The following ST6GAL2 variants were observed in gnomAD, a reference collection of about 807,000 sequenced individuals.
ST6GAL2 encodes ST6 beta-galactoside alpha-2,6-sialyltransferase 2.
A neutral mutation model predicts 37.5 loss-of-function variants in ST6GAL2; 24 were observed. The ratio of observed to expected loss-of-function variants is 0.64; its 90% CI spans 0.46 to 0.90. The LOEUF (loss-of-function observed/expected upper bound fraction) is 0.90, where lower values mean the gene tolerates loss of function less well. Among genes scored for constraint, ST6GAL2 ranks in the 40% least tolerant of loss-of-function variants. The pLI is 0.00. For missense variants in ST6GAL2, 715 were observed against 712.7 expected (o/e 1.00, Z -0.04); for synonymous variants, 306 against 295.1 (o/e 1.04, Z -0.38).
At chr2:106,841,994 A>G (rs1676904538) in intron 2 of ST6GAL2, among the ~76,000 whole-genome samples, 1 of 152,198 alleles carries the variant, frequency 6.6e-6, no homozygotes, top group African/African-American at 2.4e-5. Flanking sequence ...CAGTTAAATC[A>G]CTAGACTTTG....
At position 106,843,717 on chromosome 2, in the gene ST6GAL2, A is replaced by G. The variant is rs759550709; in HGVS notation, c.261T>C (p.Gly87=). The G allele has an allele frequency of 5.0e-6, 8 of 1,612,824 alleles. No individual in the cohort carries two copies. The South Asian group carries it at 8.8e-5, about 18-fold the overall frequency. ...RQALPRAHPA[G]SFHAGPGDLQ... is the part of the protein sequence containing the mutation. ...GGTCTCCAGGCCCCGCATGAAAGGA[A>G]CCGGCTGGGTGGGCGCGGGGCAGCG... Residue 87 remains glycine, a synonymous_variant, in exon 2 of 6, where the codon GGT becomes GGC. Coordinates refer to ENST00000409382, the MANE Select transcript of ST6GAL2 (RefSeq NM_001142351.2).
intron 1 of ST6GAL2, among the ~76,000 whole-genome samples, chr2:106,845,919 G>A (rs1033787745): frequency 1.3e-5 from 2 of 152,134 alleles, no homozygotes; most frequent in Non-Finnish European, 2.9e-5. Flanking sequence ...TTCACTCTGG[G>A]GGAAGCCAGA....
Position 106,863,300 on chromosome 2 carries a change from G to A in ST6GAL2, c.-57-19266C>T, listed in dbSNP as rs112727568. Among the ~76,000 whole-genome samples, 511 of 152,234 alleles carry A rather than the reference G, an allele frequency of 3.4e-3. 1 individual carries two copies. Among genetic ancestry groups the A allele is most frequent in the Non-Finnish European group, 5.5e-3 (372 of 68,018 alleles). ...ACCTACAGAAATCTATTCCACTCAC[G>A]ATATGCTCCTTGTCATCCAATGATA... is the stretch of plus-strand genomic sequence containing the variant. On this transcript the variant is annotated intron_variant, in intron 1 of 5. Coordinates refer to ENST00000409382, the MANE Select transcript of ST6GAL2 (RefSeq NM_001142351.2).
intron 2 of ST6GAL2, among the ~76,000 whole-genome samples, chr2:106,842,111 A>ACAG (rs1371769167): frequency 6.6e-6 from 1 of 152,216 alleles, no homozygotes; most frequent in Non-Finnish European, 1.5e-5. Flanking sequence ...CTGCCTCAAG[A>ACAG]CAGCAACACA....
At chr2:106,864,170 C>G (rs967143881) in intron 1 of ST6GAL2, among the ~76,000 whole-genome samples, 9 of 152,224 alleles carry the variant, frequency 5.9e-5, no homozygotes, top group African/African-American at 2.2e-4. Flanking sequence ...AGATGTCTGC[C>G]TGATCACAAT....
At chr2:106,832,232 T>C (rs1202589833) in intron 4 of ST6GAL2, among the ~76,000 whole-genome samples, 1 of 152,230 alleles carries the variant, frequency 6.6e-6, no homozygotes, top group Admixed American at 6.5e-5. Flanking sequence ...TGAAAGGTAA[T>C]GTAGCCCTAT....
chr2:106,829,417 AC>A (rs2104463646), intron 5 of ST6GAL2, among the ~76,000 whole-genome samples: 1 of 152,320 alleles, frequency 6.6e-6, no homozygotes, highest in African/African-American at 2.4e-5. Context: ...TTACTTTGAG[AC>A]CACCATGCAA....
At chr2:106,871,604 ATTATT>A (rs1322449728) in intron 1 of ST6GAL2, among the ~76,000 whole-genome samples, 1 of 152,208 alleles carries the variant, frequency 6.6e-6, no homozygotes, top group Non-Finnish European at 1.5e-5. Context: ...CTATGCTTAA[ATTATT>A]TTATTTTTCA....
intron 1 of ST6GAL2, among the ~76,000 whole-genome samples, chr2:106,859,676 G>A (rs1436300351): frequency 6.6e-6 from 1 of 151,990 alleles, no homozygotes; most frequent in Non-Finnish European, 1.5e-5. Context: ...CTCTGACAAC[G>A]CATTGCCTTC....
chr2:106,860,449 A>G (rs1677751553), intron 1 of ST6GAL2, among the ~76,000 whole-genome samples: 2 of 152,192 alleles, frequency 1.3e-5, no homozygotes, highest in Non-Finnish European at 2.9e-5. Context: ...TGCAGGCAGA[A>G]AAATTTAAGC....
At chr2:106,884,961 A>C (rs1678917076) in intron 1 of ST6GAL2, among the ~76,000 whole-genome samples, 1 of 145,938 alleles carries the variant, frequency 6.9e-6, no homozygotes, top group African/African-American at 2.5e-5. Context: ...ATATATACAT[A>C]TGTGTATGTA....
chr2:106,841,419 A>C (rs1018350365), intron 2 of ST6GAL2, among the ~76,000 whole-genome samples: 2 of 152,204 alleles, frequency 1.3e-5, no homozygotes, highest in African/African-American at 4.8e-5. Flanking sequence ...ACAGGACATG[A>C]TTGTTTTATA....
intron 1 of ST6GAL2, among the ~76,000 whole-genome samples, chr2:106,852,688 G>A (rs1305126131): frequency 6.6e-6 from 1 of 152,178 alleles, no homozygotes; most frequent in East Asian, 1.9e-4. Context: ...GGAGGGGAAG[G>A]GTTCCTCATT....
rs747399637 is a variant in ST6GAL2 at position 106,803,065 on chromosome 2, C to A, written c.*3613G>T. 1 of 152,144 alleles carries A rather than the reference C, an allele frequency of 6.6e-6. No individual in the cohort carries two copies. The highest frequency in any genetic ancestry group is 6.5e-5 in the Admixed American group (1 of 15,276). The allele number at this position is 152,144 out of a possible 1,614,324, so 9.4% of individuals were successfully genotyped here. A position where few individuals can be genotyped will look rare whatever the true frequency, so the allele number is the denominator to read the frequency against. ...ACTGCTCAGAAGAGTCAATCAGCAG[C>A]GTAAGTATGATCTGTCCAGCAGAAT... On this transcript the variant is annotated 3_prime_UTR_variant, in exon 6 of 6. Coordinates refer to ENST00000409382, the MANE Select transcript of ST6GAL2 (RefSeq NM_001142351.2).
At chr2:106,810,782 T>A (rs939492161) in intron 5 of ST6GAL2, among the ~76,000 whole-genome samples, 1 of 152,116 alleles carries the variant, frequency 6.6e-6, no homozygotes, top group Non-Finnish European at 1.5e-5. Flanking sequence ...AAACCCCGTC[T>A]CTACAAAAAT....
intron 5 of ST6GAL2, among the ~76,000 whole-genome samples, chr2:106,809,551 G>C (rs1377310929): frequency 1.3e-5 from 2 of 152,112 alleles, no homozygotes; most frequent in Non-Finnish European, 2.9e-5. Flanking sequence ...CTGTGCAGTT[G>C]GTCCTCCCCA....
intron 5 of ST6GAL2, among the ~76,000 whole-genome samples, chr2:106,809,885 G>T (rs1331469837): frequency 1.3e-5 from 2 of 152,178 alleles, no homozygotes; most frequent in African/African-American, 2.4e-5. Context: ...GAATCTAGTT[G>T]TAGACCAGTA....
intron 1 of ST6GAL2, among the ~76,000 whole-genome samples, chr2:106,883,574 C>A (rs1254784822): frequency 1.3e-5 from 2 of 151,916 alleles, no homozygotes; most frequent in South Asian, 2.1e-4. Context: ...GAATTTCATC[C>A]CATTTTTTTT....
At chr2:106,813,149 G>A (rs1427783527) in intron 5 of ST6GAL2, 7 of 1,220,948 alleles carry the variant, frequency 5.7e-6, no homozygotes, top group Admixed American at 4.4e-5. Flanking sequence ...GTCTCACTCT[G>A]TCGTCCAGGC....
Sources: allele counts gnomAD v4.1 joint callset (sites outside exome capture counted in the v4.1 genomes callset), GRCh38; gene constraint gnomAD v4.1.1; transcripts MANE v1.5; gene names NCBI Gene and HGNC (gene_info 2026-07-23, HGNC 2026-07-21).